Variants in PELO observed in about 807,000 individuals in gnomAD.
The protein encoded by PELO is pelota mRNA surveillance and ribosome rescue factor.
Under a neutral mutation model 25.9 loss-of-function variants are expected in PELO, and 19 were observed. The observed-to-expected ratio is 0.73, with a 90% CI of 0.51 to 1.08. PELO has a LOEUF of 1.08. PELO is among the 50% of genes least tolerant of loss of function. The pLI is 0.00. For synonymous variants in PELO, 196 were observed against 192.2 expected (o/e 1.02, Z -0.16); for missense variants, 498 against 491.4 (o/e 1.01, Z -0.13).
intron 1 of PELO, among the ~76,000 whole-genome samples, chr5:52,794,781 CA>C (rs536928113): frequency 1.3e-5 from 2 of 151,910 alleles, no homozygotes; most frequent in Non-Finnish European, 2.9e-5. Context: ...AACCTTTGCA[CA>C]ATCTGAGGTT....
intron 1 of PELO, among the ~76,000 whole-genome samples, chr5:52,795,468 A>C (rs1307775718): frequency 6.6e-6 from 1 of 151,980 alleles, no homozygotes; most frequent in Non-Finnish European, 1.5e-5. Context: ...TCAGGAGCCC[A>C]TAATTCCATT....
intron 1 of PELO, among the ~76,000 whole-genome samples, chr5:52,795,958 T>C (rs1748333428): frequency 6.6e-6 from 1 of 151,978 alleles, no homozygotes; most frequent in Non-Finnish European, 1.5e-5. Context: ...CAAGAAACTT[T>C]GAATCAGTCT....
chr5:52,790,840 C>A (rs969239195), intron 1 of PELO, among the ~76,000 whole-genome samples: 3 of 152,198 alleles, frequency 2.0e-5, no homozygotes, highest in African/African-American at 7.2e-5. Flanking sequence ...CTACCACAAC[C>A]CATAAGCATA....
intron 1 of PELO, among the ~76,000 whole-genome samples, chr5:52,798,030 T>G (rs762556399): frequency 3.1e-4 from 47 of 152,196 alleles, no homozygotes; most frequent in Admixed American, 1.4e-3. Context: ...CCTCATTCTC[T>G]CTCTCTTTCT....
In PELO at chr5:52,801,554, G is replaced by C. The variant is rs1304612648; in HGVS notation, c.872G>C (p.Arg291Pro). ...FYKMLQHEPD[R>P]AFYGLKQVEK... ...AAAATGTTACAGCATGAACCGGATC[G>C]AGCTTTCTATGGACTCAAGCAGGTG... Residue 291 changes from arginine to proline, a missense_variant, in exon 3 of 3, where the codon CGA (arginine) becomes CCA (proline). Physicochemically the swap from Arg to Pro is moderately radical, Grantham distance 103. Coordinates refer to ENST00000274311, the MANE Select transcript of PELO (RefSeq NM_015946.5). 1.2e-6 allele frequency: 2 copies of C among 1,614,036 alleles called. No individual in the cohort carries two copies. The highest frequency in any genetic ancestry group is 1.3e-5 in the African/African-American group (1 of 74,920).
At position 52,801,453 on chromosome 5, in the gene PELO, T is replaced by C. The variant is rs780875619; in HGVS notation, c.771T>C (p.Leu257=). 12 of 1,614,102 alleles carry C rather than the reference T, an allele frequency of 7.4e-6. No individual in the cohort carries two copies. In the East Asian group the frequency reaches 2.7e-4, roughly 36 times the overall value. The stretch of plus-strand genomic sequence containing the variant: ...ACAAGTACTCCCTGAAAGAGGCCCT[T>C]TGTGACCCTACTGTGGCTAGCCGCC... ...SGHKYSLKEA[L]CDPTVASRLS... is the part of the protein sequence containing the mutation. The change falls in exon 3 of 3, where the codon CTT becomes CTC. Residue 257 remains leucine (L), a synonymous_variant. Transcript: ENST00000274311.
chr5:52,801,206 A>G, intron 2 of PELO, 86 bp downstream of exon 2: 1 of 1,334,488 alleles, frequency 7.5e-7, no homozygotes, highest in Non-Finnish European at 1.0e-6. Flanking sequence ...TGGGAAAAAT[A>G]AGAAGAGAAA....
chr5:52,799,014 T>C (rs1033943659), intron 1 of PELO, among the ~76,000 whole-genome samples: 1 of 152,180 alleles, frequency 6.6e-6, no homozygotes, highest in Admixed American at 6.5e-5. Flanking sequence ...CACACGCCTA[T>C]GCCAAACTCA....
chr5:52,793,411 G>A (rs541981483), intron 1 of PELO, among the ~76,000 whole-genome samples: 46 of 151,750 alleles, frequency 3.0e-4, no homozygotes, highest in Non-Finnish European at 5.6e-4. Flanking sequence ...ATAAATAATG[G>A]AATGGAAGAC....
chr5:52,801,792 T>G lies in PELO; in HGVS notation c.1110T>G (p.Val370=), dbSNP rs1748493964. The change falls in exon 3 of 3, where the codon GTT becomes GTG. Residue 370 remains valine (V), a synonymous_variant. Coordinates refer to ENST00000274311, the MANE Select transcript of PELO (RefSeq NM_015946.5). ...TAGCTGCCATTCTCCGCTTCCCTGT[T>G]CCCGAACTTTCTGACCAAGAGGGTG... The part of the protein sequence containing the change: ...TGVAAILRFP[V]PELSDQEGDS... The G allele has an allele frequency of 6.2e-7, 1 of 1,613,466 alleles. No individual in the cohort carries two copies. Among genetic ancestry groups the G allele is most frequent in the Non-Finnish European group, 8.5e-7 (1 of 1,179,644 alleles).
chr5:52,796,828 T>A (rs1748351831), intron 1 of PELO, among the ~76,000 whole-genome samples: 1 of 152,092 alleles, frequency 6.6e-6, no homozygotes. Context: ...AAGTTTGAGA[T>A]AACATTTAAG....
rs1748481111 is a variant in PELO at position 52,801,422 on chromosome 5, C to T, written c.740C>T (p.Ser247Phe). 1 of 1,612,160 alleles carries T rather than the reference C, an allele frequency of 6.2e-7. No individual in the cohort carries two copies. Among genetic ancestry groups the T allele is most frequent in the Non-Finnish European group, 8.5e-7 (1 of 1,178,696 alleles). Residue 247 changes from serine (S) to phenylalanine (F), a missense_variant, in exon 3 of 3, where the codon TCC (serine) becomes TTC (phenylalanine). Physicochemically the swap from Ser to Phe is radical, Grantham distance 155. Coordinates refer to ENST00000274311, the MANE Select transcript of PELO (RefSeq NM_015946.5). ...RSKFLQVHAS[S>F]GHKYSLKEAL... ...TTGTGATTCTAGGTACATGCCTCCT[C>T]CGGACACAAGTACTCCCTGAAAGAG...
intron 1 of PELO, among the ~76,000 whole-genome samples, chr5:52,795,909 A>C (rs924491630): frequency 6.6e-6 from 1 of 151,984 alleles, no homozygotes; most frequent in Non-Finnish European, 1.5e-5. Context: ...CCATCCAGGA[A>C]AGACCATATT....
At chr5:52,798,269 A>C (rs1264051707) in intron 1 of PELO, among the ~76,000 whole-genome samples, 1 of 152,182 alleles carries the variant, frequency 6.6e-6, no homozygotes, top group East Asian at 1.9e-4. Context: ...GGAAGGTGGG[A>C]AGAAGGAGGA....
chr5:52,797,216 A>G (rs1392895290), intron 1 of PELO, among the ~76,000 whole-genome samples: 1 of 152,116 alleles, frequency 6.6e-6, no homozygotes, highest in Non-Finnish European at 1.5e-5. Context: ...CAGTTGTTTC[A>G]CATACAACAG....
intron 1 of PELO, among the ~76,000 whole-genome samples, chr5:52,796,470 A>G (rs1748345662): frequency 6.6e-6 from 1 of 152,016 alleles, no homozygotes; most frequent in Non-Finnish European, 1.5e-5. Context: ...TTAGTATTTA[A>G]AGCAAAAGAG....
At chr5:52,801,290 A>G in intron 2 of PELO, 119 bp from the exon 3 acceptor site, 1 of 1,137,944 alleles carries the variant, frequency 8.8e-7, no homozygotes. Context: ...AAATTTATGG[A>G]GTAAACTTCG....
chr5:52,789,196 T>A (rs1482954060), intron 1 of PELO, among the ~76,000 whole-genome samples: 1 of 152,162 alleles, frequency 6.6e-6, no homozygotes, highest in Non-Finnish European at 1.5e-5. Flanking sequence ...CATGGTCAGA[T>A]CTTTTTTACC....
In PELO at chr5:52,801,320, A is replaced by G; in HGVS notation, c.727-89A>G. On this transcript the variant is annotated intron_variant, in intron 2 of 2. Coordinates refer to ENST00000274311, the MANE Select transcript of PELO (RefSeq NM_015946.5). ...ACTTCGCTGAAACATATGAAGCCTT[A>G]CTAGCGCTTTTGGCTTTAAGCCTTT... 3 of 1,205,708 alleles carry G rather than the reference A, an allele frequency of 2.5e-6. No homozygotes were observed. The Admixed American group carries it at 6.8e-5, about 27-fold the overall frequency. 74.7% of individuals were successfully genotyped at this position (1,205,708 alleles called of 1,614,324 possible).
Sources: allele counts gnomAD v4.1 joint callset (sites outside exome capture counted in the v4.1 genomes callset), GRCh38; gene constraint gnomAD v4.1.1; transcripts MANE v1.5; gene names NCBI Gene and HGNC (gene_info 2026-07-23, HGNC 2026-07-21).